Variants in FLCN observed in about 807,000 individuals in gnomAD.
FLCN encodes the protein BHD skin lesion fibrofolliculoma protein.
A neutral mutation model predicts 62.5 loss-of-function variants in FLCN; 22 were observed. That is an observed-to-expected ratio of 0.35 (90% CI 0.25 to 0.50). The LOEUF (loss-of-function observed/expected upper bound fraction) is 0.50, where lower values mean the gene tolerates loss of function less well. Among genes scored for constraint, FLCN ranks in the 20% least tolerant of loss-of-function variants. The pLI is 0.97. For synonymous variants in FLCN, 319 were observed against 310.0 expected (o/e 1.03, Z -0.30); for missense variants, 657 against 778.0 (o/e 0.84, Z 1.85).
Position 17,216,967 on chromosome 17 carries a change from G to T in FLCN, c.1176+102C>A. On this transcript the variant is annotated intron_variant, in intron 10 of 13. Transcript: ENST00000285071. This position sits in a 1 kb window ranked among gnomAD's most constrained non-coding sequence, Gnocchi z 4.0. ...AGTGGAGACCGTGTGGTGCACAGCG[G>T]TTCTGTGCTGGGCAGTCGGTGCACC... 1 of 869,732 alleles carries T rather than the reference G, an allele frequency of 1.1e-6. No homozygotes were observed. Among genetic ancestry groups the T allele is most frequent in the Non-Finnish European group, 1.9e-6 (1 of 519,996 alleles). 53.9% of individuals were successfully genotyped at this position (869,732 alleles called of 1,614,324 possible).
chr17:17,214,466 T>C (rs1246575030), intron 13 of FLCN, among the ~76,000 whole-genome samples: 13 of 151,966 alleles, frequency 8.6e-5, no homozygotes, highest in East Asian at 5.8e-4. Flanking sequence ...TGGTGGTGGG[T>C]GCCTGTAATC....
chr17:17,216,228 T>C lies in FLCN; in HGVS notation c.1300+152A>G, dbSNP rs773400019. 51 of 1,177,908 alleles carry C rather than the reference T, an allele frequency of 4.3e-5. No homozygotes were observed. The highest frequency in any genetic ancestry group is 5.4e-5 in the Non-Finnish European group (46 of 849,242). The allele number at this position is 1,177,908 out of a possible 1,614,324, so 73.0% of individuals were successfully genotyped here. ...TCACCCACCGCTACCTGTGTGAAGA[T>C]AGAACACGGAGGCCCAGAGCCATGG... is the stretch of plus-strand genomic sequence containing the variant. On this transcript the variant is annotated intron_variant, in intron 11 of 13. Coordinates refer to ENST00000285071, the MANE Select transcript of FLCN (RefSeq NM_144997.7). The surrounding 1 kb of genome is among the most constrained non-coding windows in gnomAD (Gnocchi z 4.0).
intron 11 of FLCN, 117 bp from the exon 12 acceptor site, chr17:17,215,433 G>A (rs1309606718): frequency 6.7e-7 from 1 of 1,492,372 alleles, no homozygotes; most frequent in African/African-American, 1.4e-5. Context: ...GGCTGCTGGT[G>A]AAAAGACTGG....
chr17:17,223,881 C>T (rs1382501926), intron 6 of FLCN, 41 bp downstream of exon 6: 1 of 1,607,130 alleles, frequency 6.2e-7, no homozygotes, highest in Admixed American at 1.7e-5. Flanking sequence ...TCATGCAGTG[C>T]AGGGCCCCCT....
rs2144950800 is a variant in FLCN, at chr17:17,222,605, G to A, written c.675C>T (p.Ala225=). ...TCCTCTGGTGTAGGAATGGCGTGAA[G>A]GCTGTGTTCATCCTCTGAGCACGCT... ...CPQRAQRMNT[A]FTPFLHQRNG... Residue 225 remains alanine (A), a synonymous_variant, in exon 7 of 14, where the codon GCC becomes GCT. Transcript: ENST00000285071. 1 of 1,614,238 alleles carries A rather than the reference G, an allele frequency of 6.2e-7. No homozygotes were observed. The highest frequency in any genetic ancestry group is 1.7e-5 in the Admixed American group (1 of 60,028).
At position 17,213,647 on chromosome 17, in the gene FLCN, G is replaced by A. The variant is rs773168989; in HGVS notation, c.*8C>T. 3.1e-6 allele frequency: 5 copies of A among 1,614,058 alleles called. No individual in the cohort carries two copies. Among genetic ancestry groups the A allele is most frequent in the African/African-American group, 1.3e-5 (1 of 74,918 alleles). ...CATCCCTGTCTTTAGGCAGGTGTGT[G>A]TGACGGGTCAGTTCCGAGACTCCGA... is the stretch of plus-strand genomic sequence containing the variant. On this transcript the variant is annotated 3_prime_UTR_variant, in exon 14 of 14. Coordinates refer to ENST00000285071, the MANE Select transcript of FLCN (RefSeq NM_144997.7).
In FLCN at chr17:17,216,608, A is replaced by C; in HGVS notation, c.1177-105T>G. 1 of 1,544,534 alleles carries C rather than the reference A, an allele frequency of 6.5e-7. No homozygotes were observed. The highest frequency in any genetic ancestry group is 8.7e-7 in the Non-Finnish European group (1 of 1,145,052). On this transcript the variant is annotated intron_variant, in intron 10 of 13. Transcript: ENST00000285071. The surrounding 1 kb of genome is among the most constrained non-coding windows in gnomAD (Gnocchi z 4.0). ...CCACACGCCTCCTGCAGCCCGGTCCAAGCCCTCCCTCCTGCCAGAGGAGTC... is the reference window on the plus strand; with the variant it reads ...CCACACGCCTCCTGCAGCCCGGTCCCAGCCCTCCCTCCTGCCAGAGGAGTC...
chr17:17,223,612 G>A (rs191614256), intron 6 of FLCN, among the ~76,000 whole-genome samples: 213 of 152,296 alleles, frequency 1.4e-3, no homozygotes, highest in Admixed American at 2.6e-3. Flanking sequence ...CAACTCAATG[G>A]GATTAACAGA....
chr17:17,222,741 C>T lies in FLCN; in HGVS notation c.619-80G>A. On this transcript the variant is annotated intron_variant, in intron 6 of 13. Transcript: ENST00000285071. ...GACCCCTACTCGTTCACAGCCAACTCCAGGACCTGACTCCTGGAGGATCAG... is the reference window on the plus strand; with the variant it reads ...GACCCCTACTCGTTCACAGCCAACTTCAGGACCTGACTCCTGGAGGATCAG... 3 of 1,565,350 alleles carry T rather than the reference C, an allele frequency of 1.9e-6. No homozygotes were observed. The South Asian group carries it at 3.4e-5, about 18-fold the overall frequency.
intron 6 of FLCN, chr17:17,223,185 A>T (rs2047147103): frequency 4.4e-6 from 1 of 227,660 alleles, no homozygotes; most frequent in South Asian, 6.6e-5. Flanking sequence ...CCTCTGCCTC[A>T]TGGGTTCAAG....
intron 2 of FLCN, among the ~76,000 whole-genome samples, chr17:17,232,350 C>G (rs2047447893): frequency 6.6e-6 from 1 of 152,204 alleles, no homozygotes; most frequent in Non-Finnish European, 1.5e-5. Flanking sequence ...GCCTTCCTGA[C>G]ACACAGGAAG....
intron 7 of FLCN, among the ~76,000 whole-genome samples, chr17:17,221,889 C>T (rs1295148589): frequency 2.6e-5 from 4 of 152,092 alleles, no homozygotes; most frequent in African/African-American, 7.2e-5. Flanking sequence ...GGCGCTGCTC[C>T]GATGCCAATG....
chr17:17,236,870 C>T (rs1946727744), intron 1 of FLCN, 42 bp downstream of exon 1: 1 of 152,266 alleles, frequency 6.6e-6, no homozygotes, highest in Non-Finnish European at 1.5e-5. Flanking sequence ...CCAACGAAAA[C>T]TCGGACATGC....
At position 17,224,218 on chromosome 17, in the gene FLCN, T is replaced by C. The variant is rs552456931; in HGVS notation, c.397-75A>G. ...CAAATCAAAGCCTCTTCTTCAGACT[T>C]TTCAGAGTCAGCTGGCACAAATCAG... On this transcript the variant is annotated intron_variant, in intron 5 of 13. Coordinates refer to ENST00000285071, the MANE Select transcript of FLCN (RefSeq NM_144997.7). 1.9e-4 allele frequency: 255 copies of C among 1,366,322 alleles called. 5 individuals are homozygous for C. The Middle Eastern group carries it at 2.0e-3, about 11-fold the overall frequency. The allele number at this position is 1,366,322 out of a possible 1,614,324, so 84.6% of individuals were successfully genotyped here.
chr17:17,217,228 T>C (rs747878683), intron 9 of FLCN, 46 bp from the exon 10 acceptor site: 7 of 1,277,598 alleles, frequency 5.5e-6, no homozygotes, highest in Non-Finnish European at 5.7e-6. Flanking sequence ...GTAGAAATGG[T>C]TTTTCTCTCC....
chr17:17,234,764 T>A (rs2047532238), intron 1 of FLCN, among the ~76,000 whole-genome samples: 2 of 150,314 alleles, frequency 1.3e-5, no homozygotes, highest in South Asian at 4.2e-4. Context: ...GACCACGAGG[T>A]CAGGAGTTCG....
intron 3 of FLCN, among the ~76,000 whole-genome samples, chr17:17,230,862 C>T (rs892771333): frequency 2.6e-5 from 4 of 152,102 alleles, no homozygotes; most frequent in Non-Finnish European, 5.9e-5. Context: ...TACTACATTC[C>T]AGCCTGGGTG....
At chr17:17,235,180 T>C (rs2047546555) in intron 1 of FLCN, among the ~76,000 whole-genome samples, 6 of 149,768 alleles carry the variant, frequency 4.0e-5, no homozygotes, top group Admixed American at 4.0e-4. Context: ...CTGGGGAATC[T>C]GAGGCAGGAG....
chr17:17,229,982 A>C (rs2047372667), intron 3 of FLCN, among the ~76,000 whole-genome samples: 1 of 152,198 alleles, frequency 6.6e-6, no homozygotes, highest in Non-Finnish European at 1.5e-5. Context: ...CGGCAGCATG[A>C]GGCAGTATGC....
Sources: gnomAD v4.1 joint callset for allele counts (sites outside exome capture counted in the v4.1 genomes callset) on GRCh38, gnomAD v4.1.1 for gene constraint, Gnocchi (gnomAD v3.1) non-coding constraint, MANE v1.5 for transcripts, NCBI Gene and HGNC (gene_info 2026-07-23, HGNC 2026-07-21) for gene names.